ALCAM: variants seen among roughly 807,000 people sequenced by gnomAD.
ALCAM encodes the protein CD166 antigen.
Under a neutral mutation model 70.9 loss-of-function variants are expected in ALCAM, and 30 were observed. That is an observed-to-expected ratio of 0.42 (90% CI 0.32 to 0.57). The LOEUF is 0.57. Ranked by LOEUF, ALCAM falls within the 20% of genes least tolerant of loss-of-function variation. The pLI, the probability that ALCAM is intolerant of heterozygous loss-of-function variation, is 0.11. For missense variants in ALCAM, 591 were observed against 695.1 expected (o/e 0.85, Z 1.68); for synonymous variants, 249 against 242.5 (o/e 1.03, Z -0.25).
chr3:105,455,169 C>A (rs911382133), intron 1 of ALCAM, among the ~76,000 whole-genome samples: 16 of 151,932 alleles, frequency 1.1e-4, no homozygotes, highest in Admixed American at 7.2e-4. Context: ...TGGCCGGGCA[C>A]GGTGGCTCAA....
chr3:105,385,931 C>T (rs1171031764), intron 1 of ALCAM, among the ~76,000 whole-genome samples: 1 of 151,554 alleles, frequency 6.6e-6, no homozygotes, highest in Non-Finnish European at 1.5e-5. Flanking sequence ...GTGCTGAAGA[C>T]TTGTCTATAT....
intron 1 of ALCAM, among the ~76,000 whole-genome samples, chr3:105,518,922 AAC>A (rs1474319754): frequency 2.0e-5 from 3 of 152,126 alleles, no homozygotes; most frequent in Non-Finnish European, 4.4e-5. Context: ...ATTGATAGAT[AAC>A]AGTCGAAAGA....
chr3:105,430,620 G>T (rs964351132), intron 1 of ALCAM, among the ~76,000 whole-genome samples: 1 of 152,004 alleles, frequency 6.6e-6, no homozygotes, highest in Non-Finnish European at 1.5e-5. Flanking sequence ...CTAAGTTGGT[G>T]TTGCCGTATT....
intron 1 of ALCAM, among the ~76,000 whole-genome samples, chr3:105,462,275 T>C (rs955506149): frequency 8.6e-5 from 13 of 151,602 alleles, no homozygotes; most frequent in African/African-American, 3.1e-4. Context: ...ACTTTGTTCC[T>C]TGGCTCTTAT....
chr3:105,440,527 T>C (rs1221190913), intron 1 of ALCAM, among the ~76,000 whole-genome samples: 1 of 152,180 alleles, frequency 6.6e-6, no homozygotes, highest in Non-Finnish European at 1.5e-5. Context: ...CTCCTCTTTG[T>C]CTCTGATTCA....
At chr3:105,518,024 A>G (rs1359187305) in intron 1 of ALCAM, among the ~76,000 whole-genome samples, 1 of 152,140 alleles carries the variant, frequency 6.6e-6, no homozygotes, top group African/African-American at 2.4e-5. Context: ...ATAAAATATT[A>G]TGTATATGTA....
At chr3:105,463,492 T>C (rs1468150094) in intron 1 of ALCAM, among the ~76,000 whole-genome samples, 2 of 151,498 alleles carry the variant, frequency 1.3e-5, no homozygotes, top group Non-Finnish European at 3.0e-5. Context: ...AAATTTAACA[T>C]ACTTTCTTAA....
rs749625480 is a variant in ALCAM, at chr3:105,563,667, C to CTTTTTTTTTTTTTTTTTTT, written c.1665-8172_1665-8154dup. Reference sequence around the variant, plus strand: ...GACCTGTATGAAATTCCAAGCATTTCTTTTTTTTTTTTTTTTTTTTTTTTT... The same window carrying CTTTTTTTTTTTTTTTTTTT: ...GACCTGTATGAAATTCCAAGCATTTCTTTTTTTTTTTTTTTTTTTTTTTTTTTTTTTTTTTTTTTTTTTT... On this transcript the variant is annotated intron_variant, in intron 14 of 15. Transcript: ENST00000306107. Among the ~76,000 whole-genome samples, 24 of 52,048 alleles carry CTTTTTTTTTTTTTTTTTTT rather than the reference C, an allele frequency of 4.6e-4. 2 individuals carry two copies. The highest frequency in any genetic ancestry group is 1.4e-3 in the East Asian group (2 of 1,456). The allele number at this position is 52,048 out of a possible 152,430, so 34.1% of individuals were successfully genotyped here.
At chr3:105,529,215 A>G (rs574264860) in intron 3 of ALCAM, among the ~76,000 whole-genome samples, 3 of 152,368 alleles carry the variant, frequency 2.0e-5, no homozygotes, top group Admixed American at 6.5e-5. Context: ...CAGTTGAATG[A>G]TTTAGAGAAA....
intron 1 of ALCAM, among the ~76,000 whole-genome samples, chr3:105,483,135 T>A (rs1938318689): frequency 6.6e-6 from 1 of 152,196 alleles, no homozygotes; most frequent in African/African-American, 2.4e-5. Flanking sequence ...CTCTCATATA[T>A]GCCTACTGCT....
intron 1 of ALCAM, among the ~76,000 whole-genome samples, chr3:105,441,261 C>G (rs1937163817): frequency 6.6e-6 from 1 of 151,318 alleles, no homozygotes; most frequent in Non-Finnish European, 1.5e-5. Flanking sequence ...GTAATTGATT[C>G]AGTTTTTCAT....
At chr3:105,538,454 G>A (rs970299897) in intron 6 of ALCAM, among the ~76,000 whole-genome samples, 1 of 152,158 alleles carries the variant, frequency 6.6e-6, no homozygotes, top group Non-Finnish European at 1.5e-5. Flanking sequence ...TAGTGGACAT[G>A]CAGAGAGTTA....
chr3:105,369,931 G>A (rs1371509517), intron 1 of ALCAM, among the ~76,000 whole-genome samples: 8 of 152,074 alleles, frequency 5.3e-5, no homozygotes, highest in Admixed American at 3.3e-4. Flanking sequence ...CAATATTCTC[G>A]TTATTCTTGT....
intron 1 of ALCAM, among the ~76,000 whole-genome samples, chr3:105,511,841 T>C (rs1576211945): frequency 6.6e-6 from 1 of 151,832 alleles, no homozygotes; most frequent in South Asian, 2.1e-4. Context: ...CCGGACTAGA[T>C]CACTCAACCA....
At chr3:105,382,834 A>T (rs1043909956) in intron 1 of ALCAM, among the ~76,000 whole-genome samples, 3 of 151,890 alleles carry the variant, frequency 2.0e-5, no homozygotes, top group African/African-American at 7.3e-5. Flanking sequence ...TAGATTCTGG[A>T]TATTAGCCCT....
chr3:105,550,087 A>G, intron 11 of ALCAM, 40 bp from the exon 12 acceptor site: 5 of 1,535,214 alleles, frequency 3.3e-6, no homozygotes, highest in Non-Finnish European at 4.5e-6. Flanking sequence ...TTTTTAATCC[A>G]TTTTGATTTC....
rs549370210 is a variant in ALCAM, at chr3:105,367,327, G to C, written c.-82G>C. On this transcript the variant is annotated 5_prime_UTR_variant, in exon 1 of 16. Coordinates refer to ENST00000306107, the MANE Select transcript of ALCAM (RefSeq NM_001627.4). ...TGCCCCTGCGTCGGGACCCGCCAGC[G>C]CGCGGGCACCGCGGGGCCCGGGACG... The C allele has an allele frequency of 4.1e-6, 6 of 1,452,266 alleles. No individual in the cohort carries two copies. In the African/African-American group the frequency reaches 8.4e-5, roughly 20 times the overall value. 90.0% of individuals were successfully genotyped at this position (1,452,266 alleles called of 1,614,324 possible).
intron 14 of ALCAM, among the ~76,000 whole-genome samples, chr3:105,567,181 A>G (rs138329170): frequency 1.2e-3 from 186 of 151,640 alleles, no homozygotes; most frequent in African/African-American, 4.4e-3. Flanking sequence ...TTCTTTTTAT[A>G]TTTGCTTTTG....
At chr3:105,509,309 A>G (rs949492743) in intron 1 of ALCAM, among the ~76,000 whole-genome samples, 3 of 152,042 alleles carry the variant, frequency 2.0e-5, no homozygotes, top group African/African-American at 7.2e-5. Context: ...TAATTGCTGT[A>G]CCAATTTACA....
Sources: allele counts gnomAD v4.1 joint callset (sites outside exome capture counted in the v4.1 genomes callset), GRCh38; gene constraint gnomAD v4.1.1; transcripts MANE v1.5; gene names NCBI Gene and HGNC (gene_info 2026-07-23, HGNC 2026-07-21).